Variants in SERP1 observed in about 807,000 individuals in gnomAD.
SERP1 encodes stress-associated endoplasmic reticulum protein 1.
Under a neutral mutation model 8.8 loss-of-function variants are expected in SERP1, and 6 were observed. The ratio of observed to expected loss-of-function variants is 0.68; its 90% CI spans 0.37 to 1.35. SERP1 has a LOEUF of 1.35. Among genes scored for constraint, SERP1 ranks in the 40% most tolerant of loss-of-function variants. SERP1 has a pLI of 0.02. For missense variants in SERP1, 52 were observed against 86.2 expected, an observed-to-expected ratio of 0.60 and a Z score of 1.57; for synonymous variants, 36 against 28.7, an observed-to-expected ratio of 1.25 and a Z score of -0.81.
chr3:150,546,268 G>C lies in SERP1; in HGVS notation c.-133C>G. ...GCCGAGGTTCTCAGGCCAGACGCTA[G>C]CTACGGCCGCTGGGCCTGGGCGCCG... On this transcript the variant is annotated 5_prime_UTR_variant, in exon 1 of 3. Transcript: ENST00000239944. 1.0e-6 allele frequency: 1 copy of C among 990,798 alleles called. No homozygotes were observed. Among genetic ancestry groups the C allele is most frequent in the Non-Finnish European group, 1.5e-6 (1 of 679,546 alleles). The allele number at this position is 990,798 out of a possible 1,614,324, so 61.4% of individuals were successfully genotyped here. A position where few individuals can be genotyped will look rare whatever the true frequency, so the allele number is the denominator to read the frequency against.
Position 150,546,118 on chromosome 3 carries a change from C to T in SERP1, c.18G>A (p.Arg6=). Residue 6 remains arginine, a synonymous_variant, in exon 1 of 3, where the codon AGG becomes AGA. Transcript: ENST00000239944. MVAKQ[R]IRMANEKHSK... is the part of the protein sequence containing the mutation. ...TGTGCTTCTCGTTGGCCATACGGATCCTTTGCTTGGCGACCATCTTCGCGG... is the reference window on the plus strand; with the variant it reads ...TGTGCTTCTCGTTGGCCATACGGATTCTTTGCTTGGCGACCATCTTCGCGG... 1 of 1,613,648 alleles carries T rather than the reference C, an allele frequency of 6.2e-7. No individual in the cohort carries two copies. The highest frequency in any genetic ancestry group is 8.5e-7 in the Non-Finnish European group (1 of 1,179,874).
Position 150,542,953 on chromosome 3 carries a change from T to C in SERP1, c.*1505A>G, listed in dbSNP as rs1290442892. 1 of 152,534 alleles carries C rather than the reference T, an allele frequency of 6.6e-6. No homozygotes were observed. Among genetic ancestry groups the C allele is most frequent in the Non-Finnish European group, 1.5e-5 (1 of 67,998 alleles). 9.4% of individuals were successfully genotyped at this position (152,534 alleles called of 1,614,324 possible). ...TAGTTAAAAACCTGCTGGCCCAAGG[T>C]CAGTTGATTCATTCCTTATTCCAGA... On this transcript the variant is annotated 3_prime_UTR_variant, in exon 3 of 3. Transcript: ENST00000239944.
At chr3:150,544,607 G>A (rs1722939533) in intron 2 of SERP1, 109 bp from the exon 3 acceptor site, 1 of 804,902 alleles carries the variant, frequency 1.2e-6, no homozygotes, top group Middle Eastern at 2.9e-4. Context: ...TCTTACATTT[G>A]CAAATGGTAC....
At chr3:150,545,515 T>C (rs1722968440) in intron 2 of SERP1, 188 bp downstream of exon 2, 1 of 591,620 alleles carries the variant, frequency 1.7e-6, no homozygotes, top group African/African-American at 1.9e-5. Flanking sequence ...TGGGAGAAGT[T>C]TCTGGAGCAC....
Position 150,546,254 on chromosome 3 carries a change from C to G in SERP1, c.-119G>C. 8.6e-7 allele frequency: 1 copy of G among 1,167,430 alleles called. No individual in the cohort carries two copies. The highest frequency in any genetic ancestry group is 1.2e-6 in the Non-Finnish European group (1 of 810,392). 72.3% of individuals were successfully genotyped at this position (1,167,430 alleles called of 1,614,324 possible). On this transcript the variant is annotated 5_prime_UTR_variant, in exon 1 of 3. Transcript: ENST00000239944. ...CGCGCCGCCGGAGCGCCGAGGTTCT[C>G]AGGCCAGACGCTAGCTACGGCCGCT...
chr3:150,544,722 C>T (rs1436833469), intron 2 of SERP1, among the ~76,000 whole-genome samples: 2 of 152,176 alleles, frequency 1.3e-5, no homozygotes, highest in Admixed American at 1.3e-4. Flanking sequence ...AACTTTATGT[C>T]TAAGTATCCA....
intron 2 of SERP1, chr3:150,545,460 C>T: frequency 1.9e-6 from 1 of 513,038 alleles, no homozygotes; most frequent in Non-Finnish European, 3.5e-6. Context: ...GGATCATTAC[C>T]AAGACCTGAC....
chr3:150,545,916 T>TC (rs1235387584), intron 1 of SERP1, 136 bp downstream of exon 1: 1 of 1,365,140 alleles, frequency 7.3e-7, no homozygotes, highest in East Asian at 2.4e-5. Context: ...GTCTGGCGGT[T>TC]CGCAGACTCG....
rs556291055 is a variant in SERP1 at position 150,543,345 on chromosome 3, TAA to T, written c.*1111_*1112del. The T allele has an allele frequency of 5.9e-5, 9 of 152,598 alleles. No individual in the cohort carries two copies. The highest frequency in any genetic ancestry group is 2.2e-4 in the African/African-American group (9 of 41,522). 9.5% of individuals were successfully genotyped at this position (152,598 alleles called of 1,614,324 possible). A position where few individuals can be genotyped will look rare whatever the true frequency, so the allele number is the denominator to read the frequency against. ...CGTAAATTTGATCAATCATAACCTA[TAA>T]AGTCATATAACAAAGGGAAGACTAA... On this transcript the variant is annotated 3_prime_UTR_variant, in exon 3 of 3. Coordinates refer to ENST00000239944, the MANE Select transcript of SERP1 (RefSeq NM_014445.4).
chr3:150,542,957 T>C lies in SERP1; in HGVS notation c.*1501A>G, dbSNP rs1382238963. The C allele has an allele frequency of 6.6e-6, 1 of 152,548 alleles. No homozygotes were observed. The highest frequency in any genetic ancestry group is 1.5e-5 in the Non-Finnish European group (1 of 68,024). The allele number at this position is 152,548 out of a possible 1,614,324, so 9.4% of individuals were successfully genotyped here. A position where few individuals can be genotyped will look rare whatever the true frequency, so the allele number is the denominator to read the frequency against. On this transcript the variant is annotated 3_prime_UTR_variant, in exon 3 of 3. Coordinates refer to ENST00000239944, the MANE Select transcript of SERP1 (RefSeq NM_014445.4). ...TAAAAACCTGCTGGCCCAAGGTCAGTTGATTCATTCCTTATTCCAGAATAG... is the reference window on the plus strand; with the variant it reads ...TAAAAACCTGCTGGCCCAAGGTCAGCTGATTCATTCCTTATTCCAGAATAG...
chr3:150,545,487 T>C, intron 2 of SERP1: 1 of 567,862 alleles, frequency 1.8e-6, no homozygotes, highest in Non-Finnish European at 3.1e-6. Context: ...TTTGATCTCC[T>C]GTGAGTACAA....
chr3:150,543,030 A>G lies in SERP1; in HGVS notation c.*1428T>C, dbSNP rs908043243. The stretch of plus-strand genomic sequence containing the variant: ...CCACTCTGCTCCCTTACTGTTCTCC[A>G]TGTTTGAGGGTATCAGAAGCCCCCT... On this transcript the variant is annotated 3_prime_UTR_variant, in exon 3 of 3. Coordinates refer to ENST00000239944, the MANE Select transcript of SERP1 (RefSeq NM_014445.4). The G allele has an allele frequency of 2.0e-5, 3 of 152,590 alleles. No individual in the cohort carries two copies. Among genetic ancestry groups the G allele is most frequent in the African/African-American group, 4.8e-5 (2 of 41,452 alleles). The allele number at this position is 152,590 out of a possible 1,614,324, so 9.5% of individuals were successfully genotyped here. A position where few individuals can be genotyped will look rare whatever the true frequency, so the allele number is the denominator to read the frequency against.
In SERP1 at chr3:150,546,310, G is replaced by C; in HGVS notation, c.-175C>G. The C allele has an allele frequency of 1.5e-6, 1 of 671,970 alleles. No individual in the cohort carries two copies. Among genetic ancestry groups the C allele is most frequent in the Non-Finnish European group, 2.4e-6 (1 of 415,244 alleles). 41.6% of individuals were successfully genotyped at this position (671,970 alleles called of 1,614,324 possible). A position where few individuals can be genotyped will look rare whatever the true frequency, so the allele number is the denominator to read the frequency against. ...TGGGCGCCGCAAGCGCGAGGTCTGA[G>C]CACAAGCCGGGCGCCGGCCGCCGAC... On this transcript the variant is annotated 5_prime_UTR_variant, in exon 1 of 3. Transcript: ENST00000239944.
In SERP1 at chr3:150,543,077, G is replaced by A. The variant is rs1283357568; in HGVS notation, c.*1381C>T. On this transcript the variant is annotated 3_prime_UTR_variant, in exon 3 of 3. Coordinates refer to ENST00000239944, the MANE Select transcript of SERP1 (RefSeq NM_014445.4). ...CCCTGTGAGGTTCACGCTGTGTATA[G>A]ACTAGGTAGCAGATTTCCCTTCTGT... 6.6e-6 allele frequency: 1 copy of A among 152,552 alleles called. No homozygotes were observed. Among genetic ancestry groups the A allele is most frequent in the Non-Finnish European group, 1.5e-5 (1 of 68,014 alleles). 9.4% of individuals were successfully genotyped at this position (152,552 alleles called of 1,614,324 possible).
At position 150,546,354 on chromosome 3, in the gene SERP1, A is replaced by C; in HGVS notation, c.-219T>G. The C allele has an allele frequency of 1.7e-6, 1 of 584,448 alleles. No homozygotes were observed. Among genetic ancestry groups the C allele is most frequent in the East Asian group, 3.1e-5 (1 of 32,702 alleles). The allele number at this position is 584,448 out of a possible 1,614,324, so 36.2% of individuals were successfully genotyped here. A position where few individuals can be genotyped will look rare whatever the true frequency, so the allele number is the denominator to read the frequency against. On this transcript the variant is annotated 5_prime_UTR_variant, in exon 1 of 3. Coordinates refer to ENST00000239944, the MANE Select transcript of SERP1 (RefSeq NM_014445.4). ...CGCCGACTGACTGACCGAGCGGGGC[A>C]GGTGCGCAGGAGGAAGAGAACTGGC...
At position 150,545,774 on chromosome 3, in the gene SERP1, T is replaced by C. The variant is rs1484744502; in HGVS notation, c.89A>G (p.Asn30Ser). 3.7e-6 allele frequency: 6 copies of C among 1,605,354 alleles called. No homozygotes were observed. The African/African-American group carries it at 4.0e-5, about 11-fold the overall frequency. Residue 30 changes from asparagine to serine, a missense_variant, in exon 2 of 3, where the codon AAT (asparagine) becomes AGT (serine). By Grantham distance (46) the Asn-to-Ser change is conservative. Transcript: ENST00000239944. ...TACAGACGCCTTCTCTTCGGGGGCA[T>C]TTCTCTGCAAAAGCGAAAATCCACC... ...QRGNVAKTSR[N>S]APEEKASVGP...
Position 150,546,360 on chromosome 3 carries a change from G to A in SERP1, c.-225C>T, listed in dbSNP as rs961090453. 15 of 578,462 alleles carry A rather than the reference G, an allele frequency of 2.6e-5. No individual in the cohort carries two copies. In the African/African-American group the frequency reaches 2.7e-4, roughly 11 times the overall value. The allele number at this position is 578,462 out of a possible 1,614,324, so 35.8% of individuals were successfully genotyped here. A position where few individuals can be genotyped will look rare whatever the true frequency, so the allele number is the denominator to read the frequency against. On this transcript the variant is annotated 5_prime_UTR_variant, in exon 1 of 3. Transcript: ENST00000239944. ...CTGACTGACCGAGCGGGGCAGGTGC[G>A]CAGGAGGAAGAGAACTGGCCGCCGG...
Position 150,545,787 on chromosome 3 carries a change from G to C in SERP1, c.85-9C>G, listed in dbSNP as rs1258491273. 4.4e-6 allele frequency: 7 copies of C among 1,601,678 alleles called. No homozygotes were observed. Among genetic ancestry groups the C allele is most frequent in the Admixed American group, 3.4e-5 (2 of 58,328 alleles). On this transcript the variant is annotated splice_polypyrimidine_tract_variant and intron_variant, in intron 1 of 2. Transcript: ENST00000239944. Reference sequence around the variant, plus strand: ...TCTTCGGGGGCATTTCTCTGCAAAAGCGAAAATCCACCATTTCAGATGCAG... The same window carrying C: ...TCTTCGGGGGCATTTCTCTGCAAAACCGAAAATCCACCATTTCAGATGCAG...
Position 150,544,354 on chromosome 3 carries a change from G to C in SERP1, c.*104C>G. On this transcript the variant is annotated 3_prime_UTR_variant, in exon 3 of 3. Coordinates refer to ENST00000239944, the MANE Select transcript of SERP1 (RefSeq NM_014445.4). ...AAGCATGATAGGAAAGTCATTCTGA[G>C]GCAGGATGCTTTACTGAATTGTTTT... The C allele has an allele frequency of 9.7e-7, 1 of 1,032,980 alleles. No individual in the cohort carries two copies. Among genetic ancestry groups the C allele is most frequent in the Non-Finnish European group, 1.5e-6 (1 of 659,946 alleles). 64.0% of individuals were successfully genotyped at this position (1,032,980 alleles called of 1,614,324 possible). A position where few individuals can be genotyped will look rare whatever the true frequency, so the allele number is the denominator to read the frequency against.
Sources: gnomAD v4.1 joint callset for allele counts (sites outside exome capture counted in the v4.1 genomes callset) on GRCh38, gnomAD v4.1.1 for gene constraint, MANE v1.5 for transcripts, NCBI Gene and HGNC (gene_info 2026-07-23, HGNC 2026-07-21) for gene names.